The following CLCN3 variants were observed in gnomAD, a reference collection of about 807,000 sequenced individuals.
CLCN3 encodes the protein H(+)/Cl(-) exchange transporter 3.
In CLCN3, 16 loss-of-function variants were observed where a neutral mutation model predicts 83.4. The ratio of observed to expected loss-of-function variants is 0.19; its 90% CI spans 0.13 to 0.29. The LOEUF is 0.29. CLCN3 is among the 10% of genes least tolerant of loss of function. The pLI is 1.00. For missense variants in CLCN3, 544 were observed against 1,006.0 expected, an observed-to-expected ratio of 0.54 and a Z score of 6.21; for synonymous variants, 322 against 346.2, an observed-to-expected ratio of 0.93 and a Z score of 0.78.
At chr4:169,629,504 G>C (rs1773315453) in intron 1 of CLCN3, among the ~76,000 whole-genome samples, 1 of 151,974 alleles carries the variant, frequency 6.6e-6, no homozygotes, top group Non-Finnish European at 1.5e-5. Context: ...CTGAGTAGCT[G>C]GGATTACAGG....
intron 1 of CLCN3, among the ~76,000 whole-genome samples, chr4:169,630,035 T>C (rs1410232399): frequency 1.3e-5 from 2 of 152,234 alleles, no homozygotes; most frequent in African/African-American, 2.4e-5. Context: ...GCTTAAGATA[T>C]TGCCTAGCAT....
intron 2 of CLCN3, among the ~76,000 whole-genome samples, chr4:169,676,364 A>C (rs1013600396): frequency 6.6e-6 from 1 of 152,360 alleles, no homozygotes; most frequent in African/African-American, 2.4e-5. Flanking sequence ...TCCTAGACAT[A>C]GAACCCTTAT....
chr4:169,717,332 C>T (rs1472266333), intron 12 of CLCN3, among the ~76,000 whole-genome samples: 1 of 152,078 alleles, frequency 6.6e-6, no homozygotes, highest in Non-Finnish European at 1.5e-5. Context: ...TTTTAAGTCT[C>T]CTCACAGCCT....
chr4:169,687,076 A>G (rs1000319542), intron 3 of CLCN3, among the ~76,000 whole-genome samples: 1 of 152,170 alleles, frequency 6.6e-6, no homozygotes, highest in Non-Finnish European at 1.5e-5. Context: ...TTATACACAG[A>G]TCCTGTCTTT....
At chr4:169,710,349 C>T (rs554026417) in intron 11 of CLCN3, among the ~76,000 whole-genome samples, 10 of 152,262 alleles carry the variant, frequency 6.6e-5, no homozygotes, top group African/African-American at 2.4e-4. Context: ...ACTTGATCCT[C>T]GACTTCCCTG....
At chr4:169,709,639 A>G (rs1733131113) in intron 11 of CLCN3, among the ~76,000 whole-genome samples, 1 of 151,900 alleles carries the variant, frequency 6.6e-6, no homozygotes, top group Non-Finnish European at 1.5e-5. Flanking sequence ...AAGCCCCACC[A>G]CTGCACTCCA....
At chr4:169,669,888 G>GT (rs1731394365) in intron 2 of CLCN3, among the ~76,000 whole-genome samples, 1 of 152,182 alleles carries the variant, frequency 6.6e-6, no homozygotes, top group Admixed American at 6.5e-5. Flanking sequence ...CTTTTTGTAT[G>GT]TTTGTTGGCC....
chr4:169,676,207 A>G (rs1278367065), intron 2 of CLCN3, among the ~76,000 whole-genome samples: 1 of 152,218 alleles, frequency 6.6e-6, no homozygotes, highest in East Asian at 1.9e-4. Context: ...TTTTTATACC[A>G]GTATATATTG....
At chr4:169,683,892 C>A (rs898954754) in intron 3 of CLCN3, among the ~76,000 whole-genome samples, 3 of 152,032 alleles carry the variant, frequency 2.0e-5, no homozygotes, top group Non-Finnish European at 4.4e-5. Context: ...TACAGGCATA[C>A]GCCACCACAC....
At chr4:169,714,789 A>T (rs1435838731) in intron 12 of CLCN3, among the ~76,000 whole-genome samples, 1 of 152,164 alleles carries the variant, frequency 6.6e-6, no homozygotes, top group Non-Finnish European at 1.5e-5. Flanking sequence ...TAAAGCCCTT[A>T]AAGGCAGGGA....
chr4:169,668,162 AG>A (rs1731321676), intron 2 of CLCN3, among the ~76,000 whole-genome samples: 2 of 141,110 alleles, frequency 1.4e-5, no homozygotes. Context: ...TGTGTGTGAG[AG>A]GGGGTTGTTT....
At chr4:169,679,854 T>C (rs1382980361) in intron 2 of CLCN3, among the ~76,000 whole-genome samples, 196 bp from the exon 3 acceptor site, 1 of 151,742 alleles carries the variant, frequency 6.6e-6, no homozygotes, top group Non-Finnish European at 1.5e-5. Context: ...AGTCCAGCCT[T>C]GGCAACAGAG....
chr4:169,698,294 G>A (rs1343633050), intron 9 of CLCN3, among the ~76,000 whole-genome samples: 1 of 152,110 alleles, frequency 6.6e-6, no homozygotes, highest in African/African-American at 2.4e-5. Flanking sequence ...ATTGAATATA[G>A]TTCAAAGACT....
chr4:169,717,396 T>C (rs1733465604), intron 12 of CLCN3, among the ~76,000 whole-genome samples: 1 of 152,204 alleles, frequency 6.6e-6, no homozygotes, highest in Non-Finnish European at 1.5e-5. Context: ...TGTTGTGACA[T>C]CATAGAAATT....
At chr4:169,692,531 T>C (rs1581256657) in intron 7 of CLCN3, among the ~76,000 whole-genome samples, 1 of 152,334 alleles carries the variant, frequency 6.6e-6, no homozygotes, top group Non-Finnish European at 1.5e-5. Context: ...AGAGAAGCTT[T>C]AGATAGACAG....
chr4:169,708,417 A>G (rs1581277768), intron 11 of CLCN3, among the ~76,000 whole-genome samples: 1 of 152,168 alleles, frequency 6.6e-6, no homozygotes, highest in East Asian at 1.9e-4. Context: ...CCATCATTCT[A>G]AATTTTACTT....
At chr4:169,707,288 T>C in intron 11 of CLCN3, 22 bp downstream of exon 11, 4 of 1,473,682 alleles carry the variant, frequency 2.7e-6, no homozygotes, top group Non-Finnish European at 3.7e-6. Flanking sequence ...AAAATATATA[T>C]ATGTATATAT....
At chr4:169,672,046 C>A (rs562630305) in intron 2 of CLCN3, among the ~76,000 whole-genome samples, 1 of 151,908 alleles carries the variant, frequency 6.6e-6, no homozygotes, top group Admixed American at 6.6e-5. Context: ...CCCGTCTCTA[C>A]TAAAAATAAA....
chr4:169,719,874 A>G, intron 12 of CLCN3, 33 bp from the exon 13 acceptor site: 2 of 1,551,006 alleles, frequency 1.3e-6, no homozygotes, highest in African/African-American at 2.8e-5. Flanking sequence ...TTTCCCTTTT[A>G]TTTCATAGGA....
Sources: allele counts gnomAD v4.1 joint callset (sites outside exome capture counted in the v4.1 genomes callset), GRCh38; gene constraint gnomAD v4.1.1; transcripts MANE v1.5; gene names NCBI Gene and HGNC (gene_info 2026-07-23, HGNC 2026-07-21).